The following MAP3K7 variants were observed in gnomAD, a reference collection of about 807,000 sequenced individuals.
MAP3K7 encodes the protein mitogen-activated protein kinase kinase kinase 7.
Under a neutral mutation model 84.8 loss-of-function variants are expected in MAP3K7, and 21 were observed. The ratio of observed to expected loss-of-function variants is 0.25; its 90% CI spans 0.18 to 0.36. The LOEUF is 0.36. MAP3K7 is among the 10% of genes least tolerant of loss of function. The pLI, the probability that MAP3K7 is intolerant of heterozygous loss-of-function variation, is 1.00. For synonymous variants in MAP3K7, 241 were observed against 247.7 expected, an observed-to-expected ratio of 0.97 and a Z score of 0.25; for missense variants, 503 against 747.7, an observed-to-expected ratio of 0.67 and a Z score of 3.82.
chr6:90,539,354 T>C (rs1775782213), intron 12 of MAP3K7, among the ~76,000 whole-genome samples: 1 of 151,904 alleles, frequency 6.6e-6, no homozygotes, highest in South Asian at 2.1e-4. Flanking sequence ...AACTTCCCTA[T>C]TTAATATGCC....
intron 2 of MAP3K7, among the ~76,000 whole-genome samples, chr6:90,571,080 G>C (rs145528232): frequency 4.0e-4 from 61 of 152,168 alleles, no homozygotes; most frequent in Middle Eastern, 3.4e-3. Flanking sequence ...TAAGGTACAG[G>C]CCACTTATCC....
At chr6:90,561,385 G>A (rs966900091) in intron 4 of MAP3K7, among the ~76,000 whole-genome samples, 5 of 152,026 alleles carry the variant, frequency 3.3e-5, no homozygotes, top group African/African-American at 1.2e-4. Flanking sequence ...TTACTTAAAT[G>A]CTTTTAATGA....
At position 90,568,627 on chromosome 6, in the gene MAP3K7, T is replaced by G; in HGVS notation, c.232-4A>C. Reference sequence around the variant, plus strand: ...TCACACGGGATAACTGCCGAAGCTGTTAAGAAATTAAGGTTTCTTTTAAAA... The same window carrying G: ...TCACACGGGATAACTGCCGAAGCTGGTAAGAAATTAAGGTTTCTTTTAAAA... On this transcript the variant is annotated splice_region_variant and splice_polypyrimidine_tract_variant and intron_variant, in intron 2 of 16. Transcript: ENST00000369329. The G allele has an allele frequency of 6.2e-7, 1 of 1,602,010 alleles. No individual in the cohort carries two copies. Among genetic ancestry groups the G allele is most frequent in the South Asian group, 1.1e-5 (1 of 88,346 alleles).
At chr6:90,543,306 G>T (rs1775910030) in intron 12 of MAP3K7, among the ~76,000 whole-genome samples, 1 of 152,004 alleles carries the variant, frequency 6.6e-6, no homozygotes, top group South Asian at 2.1e-4. Flanking sequence ...AAACCACTTT[G>T]ATAACCAGGG....
chr6:90,561,956 C>T (rs1448222822), intron 3 of MAP3K7, among the ~76,000 whole-genome samples: 1 of 152,142 alleles, frequency 6.6e-6, no homozygotes, highest in African/African-American at 2.4e-5. Context: ...CATCAAAAGC[C>T]TCATAAGAAG....
In MAP3K7 at chr6:90,523,913, T is replaced by A. The variant is rs1189047376; in HGVS notation, c.1357-130A>T. ...AAACTCTTGTAAACAACAAAATAAA[T>A]CCTCTCTTATATATATGTAAAAATT... On this transcript the variant is annotated intron_variant, in intron 13 of 16. Transcript: ENST00000369329. The A allele has an allele frequency of 5.0e-6, 3 of 594,898 alleles. No homozygotes were observed. The African/African-American group carries it at 5.6e-5, about 11-fold the overall frequency. 36.9% of individuals were successfully genotyped at this position (594,898 alleles called of 1,614,324 possible).
intron 12 of MAP3K7, 133 bp from the exon 13 acceptor site, chr6:90,536,534 G>A: frequency 2.7e-5 from 16 of 600,774 alleles, no homozygotes; most frequent in South Asian, 8.3e-5. Context: ...AAAAAAAAGT[G>A]AGTTTATTGC....
intron 5 of MAP3K7, 81 bp downstream of exon 5, chr6:90,559,995 G>A: frequency 6.6e-7 from 1 of 1,517,332 alleles, no homozygotes; most frequent in Non-Finnish European, 9.1e-7. Context: ...TAATGAGCTT[G>A]AATTAGAGAG....
chr6:90,543,624 A>G (rs1775918261), intron 12 of MAP3K7, among the ~76,000 whole-genome samples: 1 of 152,082 alleles, frequency 6.6e-6, no homozygotes, highest in Non-Finnish European at 1.5e-5. Context: ...AGAATTATCA[A>G]CACTGCTAAA....
chr6:90,548,199 A>G (rs576694226), intron 9 of MAP3K7, 22 bp from the exon 10 acceptor site: 1 of 1,594,414 alleles, frequency 6.3e-7, no homozygotes, highest in African/African-American at 1.4e-5. Context: ...AGAAACATTT[A>G]TGACTAATGG....
chr6:90,536,532 G>A, intron 12 of MAP3K7, 131 bp from the exon 13 acceptor site: 1 of 611,278 alleles, frequency 1.6e-6, no homozygotes, highest in Non-Finnish European at 2.8e-6. Context: ...GGAAAAAAAA[G>A]TGAGTTTATT....
chr6:90,574,141 A>G (rs1180481502), intron 1 of MAP3K7, among the ~76,000 whole-genome samples: 3 of 152,218 alleles, frequency 2.0e-5, no homozygotes, highest in Non-Finnish European at 4.4e-5. Flanking sequence ...AGAAGTGCTG[A>G]CATTTTCCTT....
intron 3 of MAP3K7, among the ~76,000 whole-genome samples, chr6:90,565,709 T>G (rs1470921496): frequency 1.3e-5 from 2 of 152,156 alleles, no homozygotes; most frequent in Non-Finnish European, 2.9e-5. Context: ...CCTAACTCAT[T>G]TTATGAGGCC....
intron 1 of MAP3K7, among the ~76,000 whole-genome samples, chr6:90,586,378 C>CAAA (rs71027942): frequency 1.0e-3 from 82 of 78,472 alleles, no homozygotes; most frequent in Middle Eastern, 7.2e-3. Flanking sequence ...GACTCCGTCT[C>CAAA]AAAAAAAAAA....
At chr6:90,565,246 T>G (rs1057330448) in intron 3 of MAP3K7, among the ~76,000 whole-genome samples, 1 of 150,406 alleles carries the variant, frequency 6.6e-6, no homozygotes, top group Non-Finnish European at 1.5e-5. Flanking sequence ...CAACAAACCC[T>G]TCAAAAAAAA....
intron 3 of MAP3K7, among the ~76,000 whole-genome samples, chr6:90,562,322 A>G (rs1170908508): frequency 6.6e-6 from 1 of 152,162 alleles, no homozygotes; most frequent in Non-Finnish European, 1.5e-5. Flanking sequence ...TCACTTTCCT[A>G]GACAAGGGAA....
chr6:90,521,033 G>A (rs759462757), intron 14 of MAP3K7, among the ~76,000 whole-genome samples: 12 of 151,946 alleles, frequency 7.9e-5, no homozygotes, highest in African/African-American at 2.7e-4. Context: ...TCAGTGTTGC[G>A]TGGTATTCTG....
chr6:90,569,606 T>C (rs937295446), intron 2 of MAP3K7, among the ~76,000 whole-genome samples: 1 of 152,204 alleles, frequency 6.6e-6, no homozygotes, highest in East Asian at 1.9e-4. Context: ...GCCTCTGGAG[T>C]AGCTGGGACT....
chr6:90,549,373 A>G (rs1294032785), intron 9 of MAP3K7, among the ~76,000 whole-genome samples: 1 of 152,168 alleles, frequency 6.6e-6, no homozygotes, highest in Non-Finnish European at 1.5e-5. Flanking sequence ...ATACAGTACA[A>G]CTGTCCAATA....
Sources: gnomAD v4.1 joint callset for allele counts (sites outside exome capture counted in the v4.1 genomes callset) on GRCh38, gnomAD v4.1.1 for gene constraint, MANE v1.5 for transcripts, NCBI Gene and HGNC (gene_info 2026-07-23, HGNC 2026-07-21) for gene names.